WDR25: variants seen among roughly 807,000 people sequenced by gnomAD.
The protein encoded by WDR25 is WD repeat domain 25.
WDR25 carries 35 observed loss-of-function variants against 47.7 expected under a neutral mutation model. The ratio of observed to expected loss-of-function variants is 0.73; its 90% CI spans 0.56 to 0.97. The LOEUF is 0.97. Ranked by LOEUF, WDR25 falls within the 50% of genes least tolerant of loss-of-function variation. WDR25 has a pLI of 0.00. For missense variants in WDR25, 634 were observed against 704.7 expected, an observed-to-expected ratio of 0.90 and a Z score of 1.14; for synonymous variants, 248 against 278.9, an observed-to-expected ratio of 0.89 and a Z score of 1.10.
chr14:100,530,032 C>A lies in WDR25; in HGVS notation c.1626C>A (p.Ile542=). The change falls in exon 7 of 7, where the codon ATC becomes ATA. Residue 542 remains isoleucine, a synonymous_variant. Transcript: ENST00000402312. The part of the protein sequence containing the change: ...ATCSWGGDMK[I]WH ...GCTCCTGGGGAGGGGACATGAAGATCTGGCACTGAGCTTTTTGTCACTGAA... is the reference window on the plus strand; with the variant it reads ...GCTCCTGGGGAGGGGACATGAAGATATGGCACTGAGCTTTTTGTCACTGAA... 6.2e-7 allele frequency: 1 copy of A among 1,611,314 alleles called. No homozygotes were observed. The highest frequency in any genetic ancestry group is 1.7e-5 in the Admixed American group (1 of 59,900).
At chr14:100,393,069 G>A (rs2140156719) in intron 2 of WDR25, among the ~76,000 whole-genome samples, 1 of 152,372 alleles carries the variant, frequency 6.6e-6, no homozygotes, top group African/African-American at 2.4e-5. Flanking sequence ...GGGGGCAAAG[G>A]CCCTTATCTA....
rs574336571 is a variant in WDR25 at position 100,402,531 on chromosome 14, G to C, written c.822+20785G>C. 2.0e-5 allele frequency among the ~76,000 whole-genome samples: 3 copies of C among 152,244 alleles called. No homozygotes were observed. The South Asian group carries it at 6.2e-4, about 32-fold the overall frequency. On this transcript the variant is annotated intron_variant, in intron 2 of 6. Transcript: ENST00000402312. ...TGATGCGCTGTCAGCCAGGGGCCAG[G>C]GGTCCAAATGGGGTTCTGTCATTTT...
chr14:100,475,728 C>G (rs11626307), intron 3 of WDR25, among the ~76,000 whole-genome samples: 2 of 151,856 alleles, frequency 1.3e-5, no homozygotes, highest in South Asian at 4.2e-4. Flanking sequence ...TGCATGATGA[C>G]CACAGTTAAT....
rs1458972787 is a variant in WDR25 at position 100,428,183 on chromosome 14, C to T, written c.823-39838C>T. 1.3e-5 allele frequency among the ~76,000 whole-genome samples: 2 copies of T among 152,226 alleles called. No individual in the cohort carries two copies. Among genetic ancestry groups the T allele is most frequent in the Non-Finnish European group, 2.9e-5 (2 of 68,044 alleles). On this transcript the variant is annotated intron_variant, in intron 2 of 6. Coordinates refer to ENST00000402312, the MANE Select transcript of WDR25 (RefSeq NM_001161476.3). The surrounding 1 kb of genome is among the most constrained non-coding windows in gnomAD (Gnocchi z 4.3). ...GTGTGCTCCGACCGAAGCGTTGGCA[C>T]TGACCCGTCTAGAATTCTGTGTGCG...
chr14:100,447,405 G>T (rs1182493725), intron 2 of WDR25, among the ~76,000 whole-genome samples: 1 of 152,226 alleles, frequency 6.6e-6, no homozygotes, highest in Non-Finnish European at 1.5e-5. Context: ...AGGGGGGCAC[G>T]TGTGCTGAGG....
rs144503963 is a variant in WDR25, at chr14:100,418,714, C to G, written c.822+36968C>G. On this transcript the variant is annotated intron_variant, in intron 2 of 6. Transcript: ENST00000402312. ...CAGTCTCAGCCACAACGGTCAGGGT[C>G]TATGCTAAGGTGAGTTTATGGGACA... Among the ~76,000 whole-genome samples the G allele has an allele frequency of 6.9e-3, 1,046 of 151,630 alleles. 4 individuals are homozygous for G. The highest frequency in any genetic ancestry group is 0.012 in the Non-Finnish European group (805 of 67,950).
rs576360558 is a variant in WDR25, at chr14:100,450,752, G to A, written c.823-17269G>A. Among the ~76,000 whole-genome samples the A allele has an allele frequency of 2.0e-5, 3 of 152,290 alleles. No homozygotes were observed. The South Asian group carries it at 6.2e-4, about 32-fold the overall frequency. On this transcript the variant is annotated intron_variant, in intron 2 of 6. Coordinates refer to ENST00000402312, the MANE Select transcript of WDR25 (RefSeq NM_001161476.3). ...AGGTCACAACCTCTTCTTCCCCGCA[G>A]TTATTGAGAGAGGGAGTATGTCTTA...
chr14:100,451,093 G>A (rs1899014873), intron 2 of WDR25, among the ~76,000 whole-genome samples: 1 of 152,156 alleles, frequency 6.6e-6, no homozygotes, highest in Non-Finnish European at 1.5e-5. Context: ...AGTTTTGGAA[G>A]CCCCATGTAC....
At chr14:100,442,164 AGT>A (rs1898689448) in intron 2 of WDR25, among the ~76,000 whole-genome samples, 1 of 152,184 alleles carries the variant, frequency 6.6e-6, no homozygotes, top group African/African-American at 2.4e-5. Context: ...TTACAGGGAG[AGT>A]GTGCTTATCA....
At chr14:100,522,356 GT>G (rs1000849725) in intron 4 of WDR25, among the ~76,000 whole-genome samples, 1 of 152,084 alleles carries the variant, frequency 6.6e-6, no homozygotes, top group African/African-American at 2.4e-5. Flanking sequence ...ATTCAATCAT[GT>G]TTTTTCTCAT....
rs955837350 is a variant in WDR25 at position 100,502,973 on chromosome 14, G to A, written c.1101+18849G>A. Among the ~76,000 whole-genome samples, 1 of 152,076 alleles carries A rather than the reference G, an allele frequency of 6.6e-6. No individual in the cohort carries two copies. The highest frequency in any genetic ancestry group is 1.5e-5 in the Non-Finnish European group (1 of 68,008). On this transcript the variant is annotated intron_variant, in intron 4 of 6. Transcript: ENST00000402312. The surrounding 1 kb of genome is among the most constrained non-coding windows in gnomAD (Gnocchi z 4.5). Reference sequence around the variant, plus strand: ...TCTGTGAGTGTGTGTGTCTGTATGTGTGTCGGTGCATGTGTGTGTGTCCAT... The same window carrying A: ...TCTGTGAGTGTGTGTGTCTGTATGTATGTCGGTGCATGTGTGTGTGTCCAT...
At chr14:100,521,803 G>A (rs1276141530) in intron 4 of WDR25, among the ~76,000 whole-genome samples, 1 of 152,132 alleles carries the variant, frequency 6.6e-6, no homozygotes, top group Non-Finnish European at 1.5e-5. Context: ...CATGCATATT[G>A]CCGAGTAACG....
intron 4 of WDR25, among the ~76,000 whole-genome samples, chr14:100,524,620 G>A (rs549610762): frequency 5.3e-5 from 8 of 152,268 alleles, no homozygotes; most frequent in African/African-American, 1.9e-4. Context: ...GGTTGCTTTG[G>A]AAGAGGCTCA....
At chr14:100,414,850 G>A (rs941494435) in intron 2 of WDR25, among the ~76,000 whole-genome samples, 10 of 150,956 alleles carry the variant, frequency 6.6e-5, no homozygotes, top group Non-Finnish European at 1.5e-5. Context: ...CTTGCAGTGA[G>A]CCGAGATCGC....
Position 100,488,025 on chromosome 14 carries a change from C to T in WDR25, c.1101+3901C>T, listed in dbSNP as rs532822192. 2.6e-5 allele frequency among the ~76,000 whole-genome samples: 4 copies of T among 152,278 alleles called. No homozygotes were observed. The highest frequency in any genetic ancestry group is 6.5e-5 in the Admixed American group (1 of 15,294). ...TCATGAGATTTTATGATTCCTTAAA[C>T]GTAGCCAAGTGCTAAGTGTCAAGAT... On this transcript the variant is annotated intron_variant, in intron 4 of 6. Transcript: ENST00000402312. The surrounding 1 kb of genome is among the most constrained non-coding windows in gnomAD (Gnocchi z 4.2).
chr14:100,468,508 T>C lies in WDR25; in HGVS notation c.970+340T>C, dbSNP rs2140297368. 6.6e-6 allele frequency among the ~76,000 whole-genome samples: 1 copy of C among 152,348 alleles called. No homozygotes were observed. Among genetic ancestry groups the C allele is most frequent in the South Asian group, 2.1e-4 (1 of 4,822 alleles). ...TTAACTTTATCATTGTGTCCTTTGG[T>C]TGGAATCAGGTTAGAATTCCTGTCA... On this transcript the variant is annotated intron_variant, in intron 3 of 6. Coordinates refer to ENST00000402312, the MANE Select transcript of WDR25 (RefSeq NM_001161476.3). The surrounding 1 kb of genome is among the most constrained non-coding windows in gnomAD (Gnocchi z 4.5).
chr14:100,398,269 G>A (rs895865233), intron 2 of WDR25, among the ~76,000 whole-genome samples: 1 of 152,164 alleles, frequency 6.6e-6, no homozygotes, highest in Non-Finnish European at 1.5e-5. Context: ...TTTTGTTCTT[G>A]CTTCAGAGGG....
chr14:100,419,970 T>C (rs141598719), intron 2 of WDR25, among the ~76,000 whole-genome samples: 40 of 152,388 alleles, frequency 2.6e-4, no homozygotes, highest in Non-Finnish European at 5.0e-4. Flanking sequence ...GGGTTCTTTG[T>C]ATCAGGTTGC....
Position 100,529,440 on chromosome 14 carries a change from G to A in WDR25, c.1413+232G>A, listed in dbSNP as rs1013386641. 9 of 650,616 alleles carry A rather than the reference G, an allele frequency of 1.4e-5. No homozygotes were observed. Among genetic ancestry groups the A allele is most frequent in the Non-Finnish European group, 2.3e-5 (9 of 383,880 alleles). The allele number at this position is 650,616 out of a possible 1,614,324, so 40.3% of individuals were successfully genotyped here. Reference sequence around the variant, plus strand: ...CAGGAAGCAGTAGTTGGCTCACACAGACAGGTCTCAGAAGTGGGGGGCAGG... The same window carrying A: ...CAGGAAGCAGTAGTTGGCTCACACAAACAGGTCTCAGAAGTGGGGGGCAGG... On this transcript the variant is annotated intron_variant, in intron 6 of 6. Transcript: ENST00000402312. The surrounding 1 kb of genome is among the most constrained non-coding windows in gnomAD (Gnocchi z 5.1).
Sources: allele counts gnomAD v4.1 joint callset (sites outside exome capture counted in the v4.1 genomes callset), GRCh38; gene constraint gnomAD v4.1.1; non-coding constraint Gnocchi (gnomAD v3.1); transcripts MANE v1.5; gene names NCBI Gene and HGNC (gene_info 2026-07-23, HGNC 2026-07-21).